Variants in SMARCC1 observed in about 807,000 individuals in gnomAD.
The protein encoded by SMARCC1 is SWI/SNF related BAF chromatin remodeling complex subunit C1, also known as SWI/SNF complex subunit SMARCC1.
A neutral mutation model predicts 147.4 loss-of-function variants in SMARCC1; 43 were observed. The ratio of observed to expected loss-of-function variants is 0.29; its 90% CI spans 0.23 to 0.38. The LOEUF (loss-of-function observed/expected upper bound fraction) is 0.38, where lower values mean the gene tolerates loss of function less well. Among genes scored for constraint, SMARCC1 ranks in the 10% least tolerant of loss-of-function variants. The probability of loss-of-function intolerance (pLI) is 1.00; values close to 1 mark genes in which losing one functional copy is unlikely to be tolerated. For synonymous variants in SMARCC1, 495 were observed against 484.4 expected (o/e 1.02, Z -0.29); for missense variants, 1,119 against 1,381.1 (o/e 0.81, Z 3.01).
At chr3:47,620,283 T>C (rs1576389650) in intron 25 of SMARCC1, among the ~76,000 whole-genome samples, 1 of 152,020 alleles carries the variant, frequency 6.6e-6, no homozygotes, top group East Asian at 1.9e-4. Context: ...GGCAACACAG[T>C]GAAACCCTGT....
chr3:47,590,390 G>C (rs1057323503), intron 27 of SMARCC1, among the ~76,000 whole-genome samples: 5 of 152,204 alleles, frequency 3.3e-5, no homozygotes, highest in Admixed American at 2.6e-4. Context: ...GCTTAAACAG[G>C]TGTGGGAGAG....
intron 26 of SMARCC1, among the ~76,000 whole-genome samples, chr3:47,599,498 T>G (rs776279736): frequency 2.0e-4 from 31 of 152,318 alleles, no homozygotes; most frequent in East Asian, 9.6e-4. Context: ...AACAACACTA[T>G]AAACCAGGCA....
chr3:47,722,482 A>C (rs1368824218), intron 6 of SMARCC1, among the ~76,000 whole-genome samples: 1 of 151,824 alleles, frequency 6.6e-6, no homozygotes, highest in Non-Finnish European at 1.5e-5. Flanking sequence ...TTTTTAGTAG[A>C]GACGGGGTTT....
chr3:47,721,963 G>A (rs536257807), intron 6 of SMARCC1, among the ~76,000 whole-genome samples: 57 of 152,232 alleles, frequency 3.7e-4, no homozygotes, highest in African/African-American at 1.3e-3. Flanking sequence ...GGCTGCAATG[G>A]GCTATTAATA....
chr3:47,727,056 A>C (rs530698801), intron 6 of SMARCC1, among the ~76,000 whole-genome samples: 1 of 151,780 alleles, frequency 6.6e-6, no homozygotes, highest in South Asian at 2.1e-4. Context: ...CTAAAAATAC[A>C]AAAAAAATTA....
chr3:47,766,567 G>C (rs1390677603), intron 2 of SMARCC1, among the ~76,000 whole-genome samples: 1 of 151,890 alleles, frequency 6.6e-6, no homozygotes, highest in African/African-American at 2.4e-5. Context: ...GAGTGAGAGA[G>C]ACCCTGTCTC....
chr3:47,707,739 T>C (rs1301111068), intron 9 of SMARCC1, among the ~76,000 whole-genome samples: 2 of 151,970 alleles, frequency 1.3e-5, no homozygotes, highest in African/African-American at 4.8e-5. Context: ...GTTAGCTGGA[T>C]GTAGGGGTGT....
intron 25 of SMARCC1, among the ~76,000 whole-genome samples, chr3:47,618,049 G>A (rs1272730475): frequency 6.6e-6 from 1 of 152,004 alleles, no homozygotes; most frequent in Admixed American, 6.6e-5. Flanking sequence ...CTCATACAAA[G>A]AATTTTCCTG....
chr3:47,662,364 C>A lies in SMARCC1; in HGVS notation c.2128G>T (p.Val710Leu). 4.3e-6 allele frequency: 7 copies of A among 1,614,054 alleles called. No individual in the cohort carries two copies. Among genetic ancestry groups the A allele is most frequent in the Non-Finnish European group, 5.1e-6 (6 of 1,180,002 alleles). Residue 710 changes from valine to leucine, a missense_variant, in exon 20 of 28, where the codon GTG becomes TTG. This residue lies in a region of SMARCC1 where 178 missense variants were observed against 264.6 expected (regional missense o/e 0.67). Transcript: ENST00000254480. ...GCCGCTTTTGCTGCAGCAGATGCCA[C>A]GCGAGGGTCCACCACAGATGCCAAA... Reference protein sequence around the residue: ...AFLASVVDPRVASAAAKAALE... With the variant: ...AFLASVVDPRLASAAAKAALE...
At chr3:47,732,845 C>G (rs1016109605) in intron 5 of SMARCC1, among the ~76,000 whole-genome samples, 1 of 152,142 alleles carries the variant, frequency 6.6e-6, no homozygotes, top group African/African-American at 2.4e-5. Context: ...CGCGGTGGCT[C>G]ACACCTGTAA....
intron 5 of SMARCC1, among the ~76,000 whole-genome samples, chr3:47,733,569 C>T (rs569067242): frequency 3.8e-4 from 57 of 151,002 alleles, no homozygotes; most frequent in African/African-American, 1.3e-3. Context: ...GGTGAAACCC[C>T]GTCTCTACTA....
In SMARCC1 at chr3:47,625,671, A is replaced by G. The variant is rs182783047; in HGVS notation, c.2647-3330T>C. On this transcript the variant is annotated intron_variant, in intron 24 of 27. Transcript: ENST00000254480. ...GGACTCCTATCTCATACCACCCAGA[A>G]AAATTAACTTAGTGGATCATAGATC... Among the ~76,000 whole-genome samples the G allele has an allele frequency of 5.3e-5, 8 of 152,356 alleles. No individual in the cohort carries two copies. In the East Asian group the frequency reaches 1.5e-3, roughly 29 times the overall value.
chr3:47,681,400 T>C (rs995004684), intron 14 of SMARCC1, among the ~76,000 whole-genome samples: 1 of 152,224 alleles, frequency 6.6e-6, no homozygotes, highest in African/African-American at 2.4e-5. Flanking sequence ...ATCACAGAAG[T>C]ACATTTTAAC....
At chr3:47,629,124 T>C (rs1035470262) in intron 24 of SMARCC1, among the ~76,000 whole-genome samples, 2 of 152,206 alleles carry the variant, frequency 1.3e-5, no homozygotes, top group Non-Finnish European at 2.9e-5. Context: ...AAATTTGCCA[T>C]CAACGATGAC....
chr3:47,626,254 C>A (rs2032807939), intron 24 of SMARCC1, among the ~76,000 whole-genome samples: 1 of 151,636 alleles, frequency 6.6e-6, no homozygotes, highest in Non-Finnish European at 1.5e-5. Context: ...TCAAGTGACA[C>A]TCCTGCTGCA....
At chr3:47,625,849 T>C (rs2032801749) in intron 24 of SMARCC1, among the ~76,000 whole-genome samples, 1 of 152,080 alleles carries the variant, frequency 6.6e-6, no homozygotes, top group Non-Finnish European at 1.5e-5. Flanking sequence ...AAAACATTTG[T>C]ACCACCAAGA....
intron 26 of SMARCC1, among the ~76,000 whole-genome samples, chr3:47,597,723 A>C (rs1402124629): frequency 6.6e-6 from 1 of 152,152 alleles, no homozygotes; most frequent in Admixed American, 6.5e-5. Flanking sequence ...CAGTCTCCTG[A>C]GTTGCTGGGA....
At chr3:47,697,621 G>GAA (rs71070212) in intron 11 of SMARCC1, among the ~76,000 whole-genome samples, 2 of 132,032 alleles carry the variant, frequency 1.5e-5, no homozygotes, top group African/African-American at 2.8e-5. Context: ...ACTCTTAAGG[G>GAA]AAAAAAAAAA....
At chr3:47,630,006 A>AG (rs1465921054) in intron 24 of SMARCC1, among the ~76,000 whole-genome samples, 1 of 151,668 alleles carries the variant, frequency 6.6e-6, no homozygotes, top group Non-Finnish European at 1.5e-5. Flanking sequence ...CTACAGGGAG[A>AG]GGCCCAACCT....
Sources: gnomAD v4.1 joint callset for allele counts (sites outside exome capture counted in the v4.1 genomes callset) on GRCh38, gnomAD v4.1.1 for gene constraint, gnomAD v4.1.1 regional missense constraint, MANE v1.5 for transcripts, NCBI Gene and HGNC (gene_info 2026-07-23, HGNC 2026-07-21) for gene names.